OSBP: variants seen among roughly 807,000 people sequenced by gnomAD.
OSBP encodes the protein oxysterol binding protein.
A neutral mutation model predicts 96.6 loss-of-function variants in OSBP; 32 were observed. The ratio of observed to expected loss-of-function variants is 0.33; its 90% CI spans 0.25 to 0.45. The LOEUF (loss-of-function observed/expected upper bound fraction) is 0.45. Among genes scored for constraint, OSBP ranks in the 20% least tolerant of loss-of-function variants. OSBP has a pLI of 1.00. For missense variants in OSBP, 653 were observed against 1,029.7 expected, an observed-to-expected ratio of 0.63 and a Z score of 5.01; for synonymous variants, 369 against 389.6, an observed-to-expected ratio of 0.95 and a Z score of 0.62.
Position 59,593,652 on chromosome 11 carries a change from T to C in OSBP, c.1630A>G (p.Lys544Glu). The change falls in exon 9 of 14, where the codon AAA becomes GAA. Residue 544 changes from lysine (K) to glutamate (E), a missense_variant. By Grantham distance (56) the Lys-to-Glu change is moderately conservative. Coordinates refer to ENST00000263847, the MANE Select transcript of OSBP (RefSeq NM_002556.3). Reference protein sequence around the residue: ...KNGWTLRQEIKITSKFRGKYL... With the variant: ...KNGWTLRQEIEITSKFRGKYL... ...TTGCCTCGAAACTTGCTGGTGATTT[T>C]GATTTCCTGACGCAATGTCCAGCCA... 1.9e-6 allele frequency: 3 copies of C among 1,614,140 alleles called. No homozygotes were observed. Among genetic ancestry groups the C allele is most frequent in the Non-Finnish European group, 2.5e-6 (3 of 1,179,998 alleles).
In OSBP at chr11:59,575,758, G is replaced by C. The variant is rs182263818; in HGVS notation, c.*819C>G. 6.6e-6 allele frequency: 1 copy of C among 152,386 alleles called. No homozygotes were observed. Among genetic ancestry groups the C allele is most frequent in the East Asian group, 1.9e-4 (1 of 5,184 alleles). The allele number at this position is 152,386 out of a possible 1,614,324, so 9.4% of individuals were successfully genotyped here. A position where few individuals can be genotyped will look rare whatever the true frequency, so the allele number is the denominator to read the frequency against. ...GAAGGATGGCATTAAGGGGGGTTGGGAAAGCAAAAGTGGCTAGTAGTCTTT... is the reference window on the plus strand; with the variant it reads ...GAAGGATGGCATTAAGGGGGGTTGGCAAAGCAAAAGTGGCTAGTAGTCTTT... On this transcript the variant is annotated 3_prime_UTR_variant, in exon 14 of 14. Transcript: ENST00000263847.
intron 1 of OSBP, among the ~76,000 whole-genome samples, chr11:59,612,210 T>C (rs1277147219): frequency 6.6e-6 from 1 of 152,216 alleles, no homozygotes; most frequent in Non-Finnish European, 1.5e-5. Flanking sequence ...CTTCCTCAAA[T>C]AGTATGGGAA....
chr11:59,610,142 C>T (rs1405376782), intron 2 of OSBP, among the ~76,000 whole-genome samples: 1 of 152,152 alleles, frequency 6.6e-6, no homozygotes, highest in Non-Finnish European at 1.5e-5. Context: ...TAGCACCTCC[C>T]TCCCTTCAGC....
At chr11:59,605,021 T>TTA (rs1366796017) in intron 3 of OSBP, among the ~76,000 whole-genome samples, 2 of 151,030 alleles carry the variant, frequency 1.3e-5, no homozygotes, top group South Asian at 2.1e-4. Flanking sequence ...GGTGTGGTAG[T>TTA]GTGCGCCTGT....
At chr11:59,579,050 C>T (rs1205020422) in intron 11 of OSBP, among the ~76,000 whole-genome samples, 1 of 152,086 alleles carries the variant, frequency 6.6e-6, no homozygotes, top group Non-Finnish European at 1.5e-5. Flanking sequence ...CTCTCTGTCC[C>T]CTCCCCTCAC....
At chr11:59,583,940 G>GTTTTT (rs1196897419) in intron 9 of OSBP, among the ~76,000 whole-genome samples, 13 of 93,602 alleles carry the variant, frequency 1.4e-4, no homozygotes, top group African/African-American at 3.2e-4. Context: ...ACCTGATGGT[G>GTTTTT]TTTTTTTTTT....
chr11:59,593,692 A>C lies in OSBP; in HGVS notation c.1590T>G (p.His530Gln). 6.2e-7 allele frequency: 1 copy of C among 1,614,164 alleles called. No individual in the cohort carries two copies. Among genetic ancestry groups the C allele is most frequent in the South Asian group, 1.1e-5 (1 of 91,084 alleles). Residue 530 changes from histidine (H) to glutamine (Q), a missense_variant, in exon 9 of 14, where the codon CAT becomes CAG. This residue lies in a region of OSBP where 308 missense variants were observed against 573.1 expected (regional missense o/e 0.54). Transcript: ENST00000263847. Reference sequence around the variant, plus strand: ...ATGTCCAGCCATTTTTGGACTCAGCATGGTGCGCAGCAGCAGGGGGATGAT... The same window carrying C: ...ATGTCCAGCCATTTTTGGACTCAGCCTGGTGCGCAGCAGCAGGGGGATGAT... ...VSHHPPAAAH[H>Q]AESKNGWTLR... is the part of the protein sequence containing the mutation.
At chr11:59,589,605 A>T (rs1287449) in intron 9 of OSBP, among the ~76,000 whole-genome samples, 14,216 of 152,094 alleles carry the variant, frequency 0.093, 889 homozygotes, top group Admixed American at 0.15. Flanking sequence ...TGTCTCAAAA[A>T]AAATAAATAA....
chr11:59,588,498 T>C (rs1452822799), intron 9 of OSBP, among the ~76,000 whole-genome samples: 2 of 148,126 alleles, frequency 1.4e-5, no homozygotes, highest in Non-Finnish European at 3.0e-5. Context: ...ATCATGCCAC[T>C]GCACTCCAGC....
At chr11:59,604,494 G>T (rs1860755974) in intron 3 of OSBP, among the ~76,000 whole-genome samples, 1 of 152,088 alleles carries the variant, frequency 6.6e-6, no homozygotes, top group Non-Finnish European at 1.5e-5. Context: ...CTGAGGTTAG[G>T]TGTCCGAGAC....
intron 9 of OSBP, among the ~76,000 whole-genome samples, chr11:59,585,454 G>C (rs1030207772): frequency 6.6e-6 from 1 of 151,786 alleles, no homozygotes; most frequent in Non-Finnish European, 1.5e-5. Context: ...CCCCGTCTGA[G>C]AAGTGAGGAG....
In OSBP at chr11:59,575,429, C is replaced by T. The variant is rs969934771; in HGVS notation, c.*1148G>A. ...AGCAGGAGTGCCATCCACATCAACACGTGTCCAAGAAAGAGTCTCAGGGAG... is the reference window on the plus strand; with the variant it reads ...AGCAGGAGTGCCATCCACATCAACATGTGTCCAAGAAAGAGTCTCAGGGAG... On this transcript the variant is annotated 3_prime_UTR_variant, in exon 14 of 14. Coordinates refer to ENST00000263847, the MANE Select transcript of OSBP (RefSeq NM_002556.3). The T allele has an allele frequency of 6.6e-6, 1 of 152,350 alleles. No individual in the cohort carries two copies. Among genetic ancestry groups the T allele is most frequent in the Non-Finnish European group, 1.5e-5 (1 of 68,018 alleles). 9.4% of individuals were successfully genotyped at this position (152,350 alleles called of 1,614,324 possible).
intron 3 of OSBP, among the ~76,000 whole-genome samples, chr11:59,606,298 T>G (rs1382451519): frequency 2.0e-5 from 3 of 152,074 alleles, no homozygotes; most frequent in Non-Finnish European, 4.4e-5. Flanking sequence ...TCAGATTCAC[T>G]TTGACAGTTA....
In OSBP at chr11:59,591,891, G is replaced by A. The variant is rs567920284; in HGVS notation, c.1678+1713C>T. ...CTGCCTCGGCCTCCCAAAGTGCTGG[G>A]ATTACAGGCATGAGCCACCACACCT... is the stretch of plus-strand genomic sequence containing the variant. On this transcript the variant is annotated intron_variant, in intron 9 of 13. Coordinates refer to ENST00000263847, the MANE Select transcript of OSBP (RefSeq NM_002556.3). Among the ~76,000 whole-genome samples, 26 of 152,264 alleles carry A rather than the reference G, an allele frequency of 1.7e-4. No homozygotes were observed. In the South Asian group the frequency reaches 4.1e-3, roughly 24 times the overall value.
In OSBP at chr11:59,601,362, C is replaced by T; in HGVS notation, c.1045G>A (p.Asp349Asn). The T allele has an allele frequency of 6.2e-7, 1 of 1,612,432 alleles. No homozygotes were observed. Among genetic ancestry groups the T allele is most frequent in the Non-Finnish European group, 8.5e-7 (1 of 1,178,548 alleles). Residue 349 changes from aspartate to asparagine, a missense_variant, in exon 5 of 14, where the codon GAC becomes AAC. This residue lies in a region of OSBP where 308 missense variants were observed against 573.1 expected (regional missense o/e 0.54). Coordinates refer to ENST00000263847, the MANE Select transcript of OSBP (RefSeq NM_002556.3). ...TTCTCATCATCTTCATCGCTCATGT[C>T]CCCTTTGCCAGAGCAGCACTGATCT... ...GKDQCCSGKG[D>N]MSDEDDENEF...
chr11:59,614,499 C>G (rs1860896493), intron 1 of OSBP, among the ~76,000 whole-genome samples: 1 of 152,172 alleles, frequency 6.6e-6, no homozygotes, highest in South Asian at 2.1e-4. Context: ...TATGAGTCAC[C>G]ATAAATATAT....
chr11:59,601,474 A>G, intron 4 of OSBP, 89 bp from the exon 5 acceptor site: 1 of 1,194,828 alleles, frequency 8.4e-7, no homozygotes, highest in Non-Finnish European at 1.2e-6. Context: ...AACCACAAAC[A>G]CAGCAAAAAA....
chr11:59,606,718 T>A (rs969058604), intron 3 of OSBP, among the ~76,000 whole-genome samples: 2 of 152,222 alleles, frequency 1.3e-5, no homozygotes. Flanking sequence ...GAGTGAAACA[T>A]ATTCTTCCTT....
chr11:59,615,376 T>C lies in OSBP; in HGVS notation c.289A>G (p.Lys97Glu). 1 of 1,597,938 alleles carries C rather than the reference T, an allele frequency of 6.3e-7. No individual in the cohort carries two copies. The highest frequency in any genetic ancestry group is 8.5e-7 in the Non-Finnish European group (1 of 1,171,340). ...SGSAREGWLF[K>E]WTNYIKGYQR... ...TAGCCTTTGATATAATTGGTCCATT[T>C]GAAGAGCCAGCCCTCTCGAGCCGAG... is the stretch of plus-strand genomic sequence containing the variant. Residue 97 changes from lysine to glutamate, a missense_variant, in exon 1 of 14, where the codon AAA (lysine) becomes GAA (glutamate). Around this residue, in one of 6 missense-constraint regions of OSBP, gnomAD observed 308 missense variants for 573.1 expected, o/e 0.54. Transcript: ENST00000263847.
Sources: allele counts gnomAD v4.1 joint callset (sites outside exome capture counted in the v4.1 genomes callset), GRCh38; gene constraint gnomAD v4.1.1; regional missense constraint gnomAD v4.1.1; transcripts MANE v1.5; gene names NCBI Gene and HGNC (gene_info 2026-07-23, HGNC 2026-07-21).